The following DMBT1 variants were observed in gnomAD, a reference collection of about 807,000 sequenced individuals.
DMBT1 encodes the protein deleted in malignant brain tumors 1.
Under a neutral mutation model 252.9 loss-of-function variants are expected in DMBT1, and 198 were observed. The ratio of observed to expected loss-of-function variants is 0.78; its 90% CI spans 0.70 to 0.88. The LOEUF (loss-of-function observed/expected upper bound fraction) is 0.88. Ranked by LOEUF, DMBT1 falls within the 40% of genes least tolerant of loss-of-function variation. DMBT1 has a pLI of 0.00. For synonymous variants in DMBT1, 990 were observed against 942.7 expected, an observed-to-expected ratio of 1.05 and a Z score of -0.92; for missense variants, 2,432 against 2,404.7, an observed-to-expected ratio of 1.01 and a Z score of -0.24.
At chr10:122,635,358 G>A (rs955812318) in intron 52 of DMBT1, among the ~76,000 whole-genome samples, 10 of 151,994 alleles carry the variant, frequency 6.6e-5, no homozygotes, top group African/African-American at 1.9e-4. Flanking sequence ...GGGACTTTTC[G>A]ATGGAAGAAA....
At chr10:122,642,938 G>A in intron 55 of DMBT1, among the ~76,000 whole-genome samples, 184 bp from the exon 56 acceptor site, 1 of 152,132 alleles carries the variant, frequency 6.6e-6, no homozygotes, top group Non-Finnish European at 1.5e-5. Flanking sequence ...TACCGGAGCT[G>A]CCAGGATTTC....
In DMBT1 at chr10:122,630,920, G is replaced by T. The variant is rs755661094; in HGVS notation, c.6026-41G>T. The T allele has an allele frequency of 2.6e-6, 4 of 1,553,590 alleles. No individual in the cohort carries two copies. In the African/African-American group the frequency reaches 5.4e-5, roughly 21 times the overall value. On this transcript the variant is annotated intron_variant, in intron 48 of 55. Coordinates refer to ENST00000338354, the MANE Select transcript of DMBT1 (RefSeq NM_001377530.1). ...TGAGGTTTGTTGTGGGACATTTGTTGTGGGACATGGCCATGATCTCTCAGT... is the reference window on the plus strand; with the variant it reads ...TGAGGTTTGTTGTGGGACATTTGTTTTGGGACATGGCCATGATCTCTCAGT...
intron 54 of DMBT1, among the ~76,000 whole-genome samples, chr10:122,638,722 G>T (rs1187497811): frequency 5.3e-5 from 8 of 152,326 alleles, no homozygotes; most frequent in Admixed American, 3.9e-4. Context: ...GGGATTACGG[G>T]CATGAACCAC....
intron 8 of DMBT1, 26 bp downstream of exon 8, chr10:122,577,866 G>A (rs184297664): frequency 1.2e-6 from 2 of 1,612,814 alleles, no homozygotes; most frequent in Admixed American, 1.7e-5. Context: ...CCTTCCTCGG[G>A]ATACCCCTTC....
chr10:122,577,649 C>T (rs2133547050), intron 7 of DMBT1, among the ~76,000 whole-genome samples, 162 bp from the exon 8 acceptor site: 1 of 152,222 alleles, frequency 6.6e-6, no homozygotes, highest in East Asian at 1.9e-4. Flanking sequence ...CTGTGGGGTC[C>T]CTGAGGGACC....
At chr10:122,590,286 G>A (rs943199777) in intron 17 of DMBT1, among the ~76,000 whole-genome samples, 2 of 148,908 alleles carry the variant, frequency 1.3e-5, no homozygotes, top group South Asian at 2.2e-4. Context: ...GCCCATTAGG[G>A]CTGCTGAGCA....
chr10:122,634,388 C>CT (rs869172652), intron 52 of DMBT1, among the ~76,000 whole-genome samples: 1 of 136,526 alleles, frequency 7.3e-6, no homozygotes, highest in African/African-American at 2.8e-5. Context: ...TTCTTTCTTT[C>CT]TTTCTTTCTT....
rs763894212 is a variant in DMBT1 at position 122,573,674 on chromosome 10, A to G, written c.236-41A>G. 43 of 1,611,826 alleles carry G rather than the reference A, an allele frequency of 2.7e-5. No individual in the cohort carries two copies. In the South Asian group the frequency reaches 4.6e-4, roughly 17 times the overall value. On this transcript the variant is annotated intron_variant, in intron 5 of 55. Coordinates refer to ENST00000338354, the MANE Select transcript of DMBT1 (RefSeq NM_001377530.1). ...GCCCTGGACCAACCCTCCCCAAGCG[A>G]GGGCTACGATCAATGAGCTCTTCCT...
chr10:122,637,831 T>G (rs80303059), intron 54 of DMBT1, among the ~76,000 whole-genome samples: 1 of 152,158 alleles, frequency 6.6e-6, no homozygotes, highest in Admixed American at 6.5e-5. Context: ...ATTAGCTCCA[T>G]AGTCAGCTGG....
chr10:122,631,306 C>G (rs376352899), intron 49 of DMBT1, 25 bp downstream of exon 49: 7 of 1,604,848 alleles, frequency 4.4e-6, no homozygotes, highest in Admixed American at 3.3e-5. Flanking sequence ...CATGGAAGGC[C>G]CATTTCACCT....
At chr10:122,642,741 T>C (rs1226359229) in intron 55 of DMBT1, among the ~76,000 whole-genome samples, 1 of 152,176 alleles carries the variant, frequency 6.6e-6, no homozygotes, top group Admixed American at 6.5e-5. Context: ...TTTACTTTTC[T>C]GCCCTGTCTC....
intron 43 of DMBT1, among the ~76,000 whole-genome samples, chr10:122,620,569 C>A (rs541117729): frequency 6.6e-6 from 1 of 152,358 alleles, no homozygotes; most frequent in East Asian, 1.9e-4. Context: ...CCTAATCCTA[C>A]TGGGACCTTG....
At chr10:122,617,402 G>C in intron 40 of DMBT1, 142 bp downstream of exon 40, 1 of 1,083,626 alleles carries the variant, frequency 9.2e-7, no homozygotes, top group Non-Finnish European at 1.4e-6. Flanking sequence ...GAGTTTCTAG[G>C]GAGTCAGCCC....
At chr10:122,597,850 G>A in intron 24 of DMBT1, 124 bp from the exon 25 acceptor site, 5 of 1,431,638 alleles carry the variant, frequency 3.5e-6, no homozygotes, top group South Asian at 1.2e-5. Context: ...GACACATGGG[G>A]AGCAAGTGGC....
chr10:122,598,037 T>C, intron 25 of DMBT1, 25 bp downstream of exon 25: 5 of 1,613,704 alleles, frequency 3.1e-6, no homozygotes, highest in Non-Finnish European at 4.2e-6. Context: ...CGCCCCTCCC[T>C]AGGGCTCACT....
rs373404773 is a variant in DMBT1, at chr10:122,593,170, G to A, written c.2501-399G>A. ...CACTGCCTTGCCCTGGGTCTGGTGTGGGGAGGGCAGCCCCCATGAGACAGG... is the reference window on the plus strand; with the variant it reads ...CACTGCCTTGCCCTGGGTCTGGTGTAGGGAGGGCAGCCCCCATGAGACAGG... On this transcript the variant is annotated intron_variant, in intron 20 of 55. Transcript: ENST00000338354. Among the ~76,000 whole-genome samples, 62 of 148,980 alleles carry A rather than the reference G, an allele frequency of 4.2e-4. 5 individuals carry two copies. Among genetic ancestry groups the A allele is most frequent in the African/African-American group, 1.4e-3 (59 of 41,258 alleles).
In DMBT1 at chr10:122,598,827, G is replaced by C; in HGVS notation, c.3010G>C (p.Gly1004Arg). 6.2e-7 allele frequency: 1 copy of C among 1,613,620 alleles called. No individual in the cohort carries two copies. The highest frequency in any genetic ancestry group is 8.5e-7 in the Non-Finnish European group (1 of 1,179,756). ...GGTGAATGGAGGTGACAGGTGTCAG[G>C]GCCGAGTGGAGGTCCTATACCAAGG... ...RLVNGGDRCQ[G>R]RVEVLYQGSW... is the part of the protein sequence containing the mutation. The change falls in exon 26 of 56, where the codon GGC (glycine) becomes CGC (arginine). Residue 1004 changes from glycine to arginine, a missense_variant. By Grantham distance (125) the Gly-to-Arg change is moderately radical. Coordinates refer to ENST00000338354, the MANE Select transcript of DMBT1 (RefSeq NM_001377530.1).
intron 16 of DMBT1, among the ~76,000 whole-genome samples, chr10:122,588,467 G>A (rs1482477299): frequency 6.7e-6 from 1 of 148,668 alleles, no homozygotes; most frequent in African/African-American, 2.4e-5. Context: ...ACTCCTATTC[G>A]ACCTCGTTCC....
chr10:122,619,446 A>C, intron 42 of DMBT1, 109 bp downstream of exon 42: 1 of 1,455,470 alleles, frequency 6.9e-7, no homozygotes, highest in Non-Finnish European at 9.5e-7. Flanking sequence ...TGTGGGGCAT[A>C]TTATTTTTCC....
Sources: gnomAD v4.1 joint callset for allele counts (sites outside exome capture counted in the v4.1 genomes callset) on GRCh38, gnomAD v4.1.1 for gene constraint, MANE v1.5 for transcripts, NCBI Gene and HGNC (gene_info 2026-07-23, HGNC 2026-07-21) for gene names.